Variants in TMEM175 observed in about 807,000 individuals in gnomAD.
The protein encoded by TMEM175 is endosomal/lysosomal proton channel TMEM175.
Under a neutral mutation model 36.5 loss-of-function variants are expected in TMEM175, and 36 were observed. That is an observed-to-expected ratio of 0.99 (90% confidence interval 0.76 to 1.30). TMEM175 has a LOEUF of 1.30. Among genes scored for constraint, TMEM175 ranks in the 50% most tolerant of loss-of-function variants. The probability of loss-of-function intolerance (pLI) is 0.00; values close to 1 mark genes in which losing one functional copy is unlikely to be tolerated. For synonymous variants in TMEM175, 339 were observed against 313.4 expected (o/e 1.08, Z -0.86); for missense variants, 705 against 692.8 (o/e 1.02, Z -0.20).
At chr4:941,631 G>A (rs1042046593) in intron 1 of TMEM175, among the ~76,000 whole-genome samples, 17 of 151,842 alleles carry the variant, frequency 1.1e-4, no homozygotes, top group Non-Finnish European at 1.6e-4. Flanking sequence ...TAGAGGTGGG[G>A]TTTCATGTTG....
chr4:946,431 C>T (rs1052827202), intron 1 of TMEM175, among the ~76,000 whole-genome samples: 1 of 152,162 alleles, frequency 6.6e-6, no homozygotes, highest in Non-Finnish European at 1.5e-5. Context: ...CTGGTTGGCA[C>T]GAGGCTGCCC....
intron 1 of TMEM175, among the ~76,000 whole-genome samples, chr4:939,979 A>C (rs1198718912): frequency 1.3e-5 from 2 of 152,248 alleles, no homozygotes; most frequent in Non-Finnish European, 2.9e-5. Flanking sequence ...ATAACCTGTA[A>C]GTCCATAACA....
Position 951,894 on chromosome 4 carries a change from C to T in TMEM175, c.378+177C>T, listed in dbSNP as rs577910869. The T allele has an allele frequency of 3.5e-5, 24 of 685,776 alleles. No homozygotes were observed. Among genetic ancestry groups the T allele is most frequent in the South Asian group, 9.2e-5 (5 of 54,152 alleles). The allele number at this position is 685,776 out of a possible 1,614,324, so 42.5% of individuals were successfully genotyped here. On this transcript the variant is annotated intron_variant, in intron 6 of 10. Coordinates refer to ENST00000264771, the MANE Select transcript of TMEM175 (RefSeq NM_032326.4). ...CTGTTGGGGGCTTCTTTCAGGCTGG[C>T]GGGGAGGGGAGGCAGTGGCCCCGAT...
intron 6 of TMEM175, 111 bp from the exon 7 acceptor site, chr4:952,256 G>T (rs1388931601): frequency 5.3e-6 from 5 of 947,496 alleles, no homozygotes; most frequent in Non-Finnish European, 8.3e-6. Flanking sequence ...TGGCCCCACC[G>T]CATCTCCCAG....
chr4:939,393 C>T (rs1727164340), intron 1 of TMEM175, among the ~76,000 whole-genome samples: 1 of 151,934 alleles, frequency 6.6e-6, no homozygotes, highest in African/African-American at 2.4e-5. Flanking sequence ...CCAGCCTGAC[C>T]AACATGGAGA....
At chr4:947,532 G>A (rs968478233) in intron 1 of TMEM175, among the ~76,000 whole-genome samples, 177 bp from the exon 2 acceptor site, 8 of 152,194 alleles carry the variant, frequency 5.3e-5, no homozygotes, top group African/African-American at 1.9e-4. Context: ...TCTCAGCCTG[G>A]AGGCCAGAAA....
chr4:939,277 G>A lies in TMEM175; in HGVS notation c.-32+6737G>A, dbSNP rs116001041. Among the ~76,000 whole-genome samples, 1,386 of 152,332 alleles carry A rather than the reference G, an allele frequency of 9.1e-3. 24 individuals carry two copies. Among genetic ancestry groups the A allele is most frequent in the African/African-American group, 0.03 (1,257 of 41,564 alleles). On this transcript the variant is annotated intron_variant, in intron 1 of 10. Transcript: ENST00000264771. ...GATACTGGAAAAATTGGATATTCAC[G>A]TGTTTAGAAAAAGGAACCTTGGGCC...
rs542280300 is a variant in TMEM175, at chr4:951,913, C to A, written c.378+196C>A. On this transcript the variant is annotated intron_variant, in intron 6 of 10. Transcript: ENST00000264771. ...GGCTGGCGGGGAGGGGAGGCAGTGG[C>A]CCCGATGAGGGAGTCACCGGCGCTC... 4.7e-6 allele frequency: 3 copies of A among 633,954 alleles called. No individual in the cohort carries two copies. The African/African-American group carries it at 5.5e-5, about 12-fold the overall frequency. 39.3% of individuals were successfully genotyped at this position (633,954 alleles called of 1,614,324 possible).
chr4:941,659 C>T (rs1727521886), intron 1 of TMEM175, among the ~76,000 whole-genome samples: 1 of 152,022 alleles, frequency 6.6e-6, no homozygotes, highest in African/African-American at 2.4e-5. Flanking sequence ...TGGTCTTGAA[C>T]TCCTGACATC....
intron 1 of TMEM175, among the ~76,000 whole-genome samples, chr4:936,964 AAAG>A (rs1360854824): frequency 6.6e-6 from 1 of 152,156 alleles, no homozygotes; most frequent in Non-Finnish European, 1.5e-5. Flanking sequence ...TCAAAAAAAA[AAAG>A]AGAAATTGTG....
At position 957,904 on chromosome 4, in the gene TMEM175, C is replaced by T. The variant is rs372100086; in HGVS notation, c.923C>T (p.Pro308Leu). 54 of 1,612,860 alleles carry T rather than the reference C, an allele frequency of 3.3e-5. No homozygotes were observed. Among genetic ancestry groups the T allele is most frequent in the Middle Eastern group, 3.3e-4 (2 of 6,060 alleles). The change falls in exon 11 of 11, where the codon CCG becomes CTG. Residue 308 changes from proline to leucine, a missense_variant. Coordinates refer to ENST00000264771, the MANE Select transcript of TMEM175 (RefSeq NM_032326.4). ...SLVAALSATG[P>L]RFLAYFGSFA... is the part of the protein sequence containing the mutation. ...GTGGCCGCCCTGAGTGCGACCGGGC[C>T]GCGCTTCCTGGCGTACTTCGGCTCC...
chr4:935,094 C>T (rs1010454212), intron 1 of TMEM175, among the ~76,000 whole-genome samples: 11 of 152,152 alleles, frequency 7.2e-5, no homozygotes, highest in African/African-American at 2.4e-4. Context: ...AGCATGAGAG[C>T]GTTTAAGCAC....
In TMEM175 at chr4:951,830, A is replaced by G. The variant is rs1728927796; in HGVS notation, c.378+113A>G. The G allele has an allele frequency of 1.2e-5, 14 of 1,155,420 alleles. No individual in the cohort carries two copies. The South Asian group carries it at 1.6e-4, about 14-fold the overall frequency. 71.6% of individuals were successfully genotyped at this position (1,155,420 alleles called of 1,614,324 possible). A position where few individuals can be genotyped will look rare whatever the true frequency, so the allele number is the denominator to read the frequency against. On this transcript the variant is annotated intron_variant, in intron 6 of 10. Transcript: ENST00000264771. ...CCCAGGGCCCAGGCCACACGGTTGTAGAGAAGAGAGAAGGTTCTGGGGAGA... is the reference window on the plus strand; with the variant it reads ...CCCAGGGCCCAGGCCACACGGTTGTGGAGAAGAGAGAAGGTTCTGGGGAGA...
At chr4:957,749 G>A in intron 10 of TMEM175, 75 bp from the exon 11 acceptor site, 1 of 1,460,240 alleles carries the variant, frequency 6.8e-7, no homozygotes. Context: ...AGCCCTGACA[G>A]GCGCTCAGCC....
At chr4:956,237 GC>G in intron 10 of TMEM175, 1 of 1,133,286 alleles carries the variant, frequency 8.8e-7, no homozygotes, top group Non-Finnish European at 1.1e-6. Context: ...CCTCACCCCT[GC>G]CCCAACACCA....
At position 947,929 on chromosome 4, in the gene TMEM175, C is replaced by T. The variant is rs748549706; in HGVS notation, c.153+37C>T. On this transcript the variant is annotated intron_variant, in intron 2 of 10. Transcript: ENST00000264771. ...GCCCCTGCTTAGGCCTGCCCCACCC[C>T]GAGCCTCTCGAGGCACTGCCCAGCC... is the stretch of plus-strand genomic sequence containing the variant. 49 of 1,613,542 alleles carry T rather than the reference C, an allele frequency of 3.0e-5. No individual in the cohort carries two copies. The East Asian group carries it at 7.8e-4, about 26-fold the overall frequency.
rs750732767 is a variant in TMEM175 at position 947,725 on chromosome 4, G to C, written c.-15G>C. Reference sequence around the variant, plus strand: ...TCCTCCCAGGCTCCTGTAACCGCCAGGCAGCGGCCCCGCCATGTCCCAGCC... The same window carrying C: ...TCCTCCCAGGCTCCTGTAACCGCCACGCAGCGGCCCCGCCATGTCCCAGCC... On this transcript the variant is annotated 5_prime_UTR_variant, in exon 2 of 11. Coordinates refer to ENST00000264771, the MANE Select transcript of TMEM175 (RefSeq NM_032326.4). The C allele has an allele frequency of 2.5e-6, 4 of 1,591,280 alleles. No homozygotes were observed. Among genetic ancestry groups the C allele is most frequent in the Non-Finnish European group, 3.4e-6 (4 of 1,167,528 alleles).
intron 1 of TMEM175, among the ~76,000 whole-genome samples, chr4:934,747 G>C (rs1410328021): frequency 6.6e-6 from 1 of 152,068 alleles, no homozygotes; most frequent in Non-Finnish European, 1.5e-5. Flanking sequence ...TGCTGGTACA[G>C]AAAAAAGAGG....
At chr4:942,631 AT>A (rs1367523773) in intron 1 of TMEM175, among the ~76,000 whole-genome samples, 1 of 142,580 alleles carries the variant, frequency 7.0e-6, no homozygotes, top group Admixed American at 7.0e-5. Flanking sequence ...GGTTCCTTGA[AT>A]TTTCTTTTTT....
Sources: allele counts gnomAD v4.1 joint callset (sites outside exome capture counted in the v4.1 genomes callset), GRCh38; gene constraint gnomAD v4.1.1; transcripts MANE v1.5; gene names NCBI Gene and HGNC (gene_info 2026-07-23, HGNC 2026-07-21).